The following SYNPR variants were observed in gnomAD, a reference collection of about 807,000 sequenced individuals.
The protein encoded by SYNPR is synaptoporin.
SYNPR carries 23 observed loss-of-function variants against 32.9 expected under a neutral mutation model. The ratio of observed to expected loss-of-function variants is 0.70; its 90% confidence interval spans 0.50 to 0.99. The LOEUF (loss-of-function observed/expected upper bound fraction) is 0.99. Ranked by LOEUF, SYNPR falls within the 50% of genes least tolerant of loss-of-function variation. SYNPR has a pLI of 0.00. For synonymous variants in SYNPR, 146 were observed against 135.9 expected (o/e 1.07, Z -0.52); for missense variants, 318 against 349.3 (o/e 0.91, Z 0.71).
intron 4 of SYNPR, among the ~76,000 whole-genome samples, chr3:63,603,512 T>A (rs1559548808): frequency 6.6e-6 from 1 of 152,186 alleles, no homozygotes; most frequent in South Asian, 2.1e-4. Context: ...CTTTGAAGTA[T>A]GTTTCTTCAA....
intron 2 of SYNPR, among the ~76,000 whole-genome samples, chr3:63,387,551 T>C (rs1269172327): frequency 6.6e-6 from 1 of 152,222 alleles, no homozygotes; most frequent in Non-Finnish European, 1.5e-5. Flanking sequence ...CTAAGTTTTT[T>C]ACATCTCTTC....
chr3:63,204,594 T>A, the SYNPR span, among the ~76,000 whole-genome samples: 2 of 152,234 alleles, frequency 1.3e-5, no homozygotes, highest in African/African-American at 4.8e-5. Flanking sequence ...TGCTCTCTCC[T>A]TTAGTAGAAG....
At chr3:63,581,736 C>G (rs958679584) in intron 4 of SYNPR, among the ~76,000 whole-genome samples, 7 of 151,904 alleles carry the variant, frequency 4.6e-5, no homozygotes, top group Non-Finnish European at 1.0e-4. Flanking sequence ...CCACTCACTC[C>G]AGGAGACTTG....
intron 2 of SYNPR, among the ~76,000 whole-genome samples, chr3:63,391,963 C>T (rs1047832496): frequency 6.6e-6 from 1 of 152,178 alleles, no homozygotes; most frequent in Non-Finnish European, 1.5e-5. Context: ...GATCCCATTG[C>T]CCCTTCCTAA....
chr3:63,520,554 TC>T (rs1253956090), intron 3 of SYNPR, among the ~76,000 whole-genome samples: 3 of 151,844 alleles, frequency 2.0e-5, no homozygotes, highest in Non-Finnish European at 4.4e-5. Flanking sequence ...GCGCCTGTAA[TC>T]CCAGCTACTG....
intron 2 of SYNPR, among the ~76,000 whole-genome samples, chr3:63,399,223 C>A (rs2088257607): frequency 6.6e-6 from 1 of 151,492 alleles, no homozygotes; most frequent in Non-Finnish European, 1.5e-5. Flanking sequence ...CCAGTGCCTG[C>A]TGCATTGAGG....
At chr3:63,255,142 C>T (rs1165626406) in intron 2 of SYNPR, among the ~76,000 whole-genome samples, 1 of 152,220 alleles carries the variant, frequency 6.6e-6, no homozygotes, top group African/African-American at 2.4e-5. Context: ...AAACAAACAT[C>T]TCTCCAGACA....
intron 1 of SYNPR, among the ~76,000 whole-genome samples, chr3:63,233,139 C>T (rs1201207649): frequency 6.6e-6 from 1 of 152,132 alleles, no homozygotes; most frequent in Non-Finnish European, 1.5e-5. Context: ...AAACACACAG[C>T]CTCCCAGAGT....
intron 3 of SYNPR, among the ~76,000 whole-genome samples, chr3:63,523,313 G>C (rs76798237): frequency 6.6e-6 from 1 of 152,024 alleles, no homozygotes; most frequent in African/African-American, 2.4e-5. Context: ...AGGAGTTTAC[G>C]TCTGGCTTCC....
chr3:63,609,345 T>C, intron 5 of SYNPR, 29 bp downstream of exon 5: 1 of 1,454,548 alleles, frequency 6.9e-7, no homozygotes. Context: ...TGCTTTACTG[T>C]TCATATCTTT....
chr3:63,401,224 G>A (rs561808490), intron 2 of SYNPR, among the ~76,000 whole-genome samples: 5 of 152,168 alleles, frequency 3.3e-5, no homozygotes, highest in Admixed American at 2.6e-4. Context: ...GTGGGTAAGG[G>A]AAACAACAAA....
At chr3:63,608,174 C>T (rs180958919) in intron 4 of SYNPR, among the ~76,000 whole-genome samples, 6 of 152,144 alleles carry the variant, frequency 3.9e-5, no homozygotes, top group Admixed American at 2.6e-4. Context: ...CCACCCCACC[C>T]GAGTCATGAG....
At position 63,497,849 on chromosome 3, in the gene SYNPR, G is replaced by A. The variant is rs80051598; in HGVS notation, c.209+16893G>A. 1.1e-4 allele frequency among the ~76,000 whole-genome samples: 17 copies of A among 152,230 alleles called. No homozygotes were observed. The East Asian group carries it at 2.3e-3, about 21-fold the overall frequency. On this transcript the variant is annotated intron_variant, in intron 3 of 5. Coordinates refer to ENST00000478300, the MANE Select transcript of SYNPR (RefSeq NM_001130003.2). ...GTAATGTGAATTCCTCCCTAACTCA[G>A]GCTCATCACTGGTGCCAGATGACTA...
intron 3 of SYNPR, among the ~76,000 whole-genome samples, chr3:63,514,448 T>C (rs1701756750): frequency 6.6e-6 from 1 of 152,190 alleles, no homozygotes; most frequent in African/African-American, 2.4e-5. Flanking sequence ...ATAGCATAGA[T>C]CCCATCTCTG....
intron 2 of SYNPR, among the ~76,000 whole-genome samples, chr3:63,388,556 T>TTGTGTGTGTGTGTGTGTGTGTG (rs749669898): frequency 3.9e-5 from 5 of 128,018 alleles, no homozygotes; most frequent in Non-Finnish European, 6.5e-5. Context: ...CCCGGCTAAT[T>TTGTGTGTGTGTGTGTGTGTGTG]TGTGTGTGTG....
chr3:63,223,658 A>G (rs2086109011), upstream of SYNPR, among the ~76,000 whole-genome samples: 1 of 152,210 alleles, frequency 6.6e-6, no homozygotes, highest in South Asian at 2.1e-4. Flanking sequence ...TCTGTTGCTT[A>G]CATCCAAGAA....
At chr3:63,282,260 T>C (rs2086637472) in intron 2 of SYNPR, among the ~76,000 whole-genome samples, 1 of 152,220 alleles carries the variant, frequency 6.6e-6, no homozygotes, top group African/African-American at 2.4e-5. Context: ...TGTTCTCATG[T>C]TTCTTTTTCT....
chr3:63,314,292 C>G (rs2087016925), intron 2 of SYNPR, among the ~76,000 whole-genome samples: 1 of 151,304 alleles, frequency 6.6e-6, no homozygotes, highest in Non-Finnish European at 1.5e-5. Flanking sequence ...GCAATCTCCA[C>G]AGTGTTTTCT....
At chr3:63,479,446 G>GCGCGTGCACACACACACACACA (rs6147854) in intron 2 of SYNPR, among the ~76,000 whole-genome samples, 2 of 135,742 alleles carry the variant, frequency 1.5e-5, no homozygotes, top group South Asian at 4.2e-4. Context: ...CCACACACAT[G>GCGCGTGCACACACACACACACA]CACACACACA....
Sources: gnomAD v4.1 joint callset for allele counts (sites outside exome capture counted in the v4.1 genomes callset) on GRCh38, gnomAD v4.1.1 for gene constraint, MANE v1.5 for transcripts, NCBI Gene and HGNC (gene_info 2026-07-23, HGNC 2026-07-21) for gene names.